Variants in ZNRF3 observed in about 807,000 individuals in gnomAD.
The protein encoded by ZNRF3 is E3 ubiquitin-protein ligase ZNRF3.
Under a neutral mutation model 72.5 loss-of-function variants are expected in ZNRF3, and 23 were observed. The observed-to-expected ratio is 0.32, with a 90% CI of 0.23 to 0.45. The LOEUF is 0.45. Ranked by LOEUF, ZNRF3 falls within the 20% of genes least tolerant of loss-of-function variation. The pLI, the probability that ZNRF3 is intolerant of heterozygous loss-of-function variation, is 1.00. For synonymous variants in ZNRF3, 610 were observed against 545.3 expected, an observed-to-expected ratio of 1.12 and a Z score of -1.65; for missense variants, 1,169 against 1,272.1, an observed-to-expected ratio of 0.92 and a Z score of 1.23.
Position 29,049,020 on chromosome 22 carries a change from GACAGGC to G in ZNRF3, c.1016-175_1016-170del, listed in dbSNP as rs1601712253. ...TACAGGAGATGGGCCATTTCACACA[GACAGGC>G]AGGTCAGCCTCTGCCGCTGCAGCTC... On this transcript the variant is annotated intron_variant, in intron 7 of 8. Coordinates refer to ENST00000544604, the MANE Select transcript of ZNRF3 (RefSeq NM_001206998.2). This position sits in a 1 kb window ranked among gnomAD's most constrained non-coding sequence, Gnocchi z 5.2. Among the ~76,000 whole-genome samples, 1 of 152,324 alleles carries G rather than the reference GACAGGC, an allele frequency of 6.6e-6. No homozygotes were observed. Among genetic ancestry groups the G allele is most frequent in the East Asian group, 1.9e-4 (1 of 5,176 alleles).
chr22:29,049,452 T>C lies in ZNRF3; in HGVS notation c.1271T>C (p.Leu424Pro). ...AYIRSYPPLH[L>P]DHSLAAHRCG... ...ATCCGCAGCTACCCACCCCTCCACCTGGACCACAGCCTGGCCGCTCACCGC... is the reference window on the plus strand; with the variant it reads ...ATCCGCAGCTACCCACCCCTCCACCCGGACCACAGCCTGGCCGCTCACCGC... Residue 424 changes from leucine (L) to proline (P), a missense_variant, in exon 8 of 9, where the codon CTG becomes CCG. Transcript: ENST00000544604. This position sits in a 1 kb window ranked among gnomAD's most constrained non-coding sequence, Gnocchi z 5.2. 1 of 1,602,434 alleles carries C rather than the reference T, an allele frequency of 6.2e-7. No homozygotes were observed. The highest frequency in any genetic ancestry group is 8.5e-7 in the Non-Finnish European group (1 of 1,177,548).
In ZNRF3 at chr22:28,884,002, C is replaced by T; in HGVS notation, c.236C>T (p.Thr79Ile). The change falls in exon 1 of 9, where the codon ACC becomes ATC. Residue 79 changes from threonine (T) to isoleucine (I), a missense_variant. Thr to Ile is a moderately conservative substitution (Grantham distance 89, BLOSUM62 -1). Around this residue, in one of 2 missense-constraint regions of ZNRF3, gnomAD observed 386 missense variants for 540.7 expected, o/e 0.71. Coordinates refer to ENST00000544604, the MANE Select transcript of ZNRF3 (RefSeq NM_001206998.2). ...AGCGGCGATTACACCACCTACACCACCGGCCTCACGGGCCGCTTCTCGCGG... is the reference window on the plus strand; with the variant it reads ...AGCGGCGATTACACCACCTACACCATCGGCCTCACGGGCCGCTTCTCGCGG... ...SPSGDYTTYTTGLTGRFSRAG... is the reference protein window; with the variant it reads ...SPSGDYTTYTIGLTGRFSRAG... The T allele has an allele frequency of 7.5e-7, 1 of 1,327,950 alleles. No individual in the cohort carries two copies. The highest frequency in any genetic ancestry group is 9.8e-7 in the Non-Finnish European group (1 of 1,022,428). 82.3% of individuals were successfully genotyped at this position (1,327,950 alleles called of 1,614,324 possible).
At chr22:28,949,220 C>T (rs986646129) in intron 1 of ZNRF3, among the ~76,000 whole-genome samples, 1 of 152,080 alleles carries the variant, frequency 6.6e-6, no homozygotes, top group Non-Finnish European at 1.5e-5. Flanking sequence ...TCAGGTGATC[C>T]ATCTGCCTCG....
intron 2 of ZNRF3, among the ~76,000 whole-genome samples, chr22:29,038,961 T>G (rs1451592465): frequency 6.6e-6 from 1 of 151,686 alleles, no homozygotes; most frequent in Non-Finnish European, 1.5e-5. Context: ...CATATATATA[T>G]ATATAGAGAG....
chr22:28,975,167 C>A (rs1353326696), intron 1 of ZNRF3, among the ~76,000 whole-genome samples: 2 of 152,008 alleles, frequency 1.3e-5, no homozygotes, highest in Non-Finnish European at 2.9e-5. Flanking sequence ...GCCTGTAATC[C>A]TAGCATTTTG....
At chr22:28,943,515 G>A (rs907986406) in intron 1 of ZNRF3, among the ~76,000 whole-genome samples, 3 of 152,186 alleles carry the variant, frequency 2.0e-5, no homozygotes, top group Non-Finnish European at 4.4e-5. Flanking sequence ...TGGAGAGGGT[G>A]CATGTGTGTT....
chr22:29,043,194 G>C lies in ZNRF3; in HGVS notation c.502-105G>C, dbSNP rs2037000273. On this transcript the variant is annotated intron_variant, in intron 3 of 8. Transcript: ENST00000544604. ...GGCTGTAATGTTGGAAGAGCTGGAGGATTCCAGACAGGTATTCAGTGTTCC... is the reference window on the plus strand; with the variant it reads ...GGCTGTAATGTTGGAAGAGCTGGAGCATTCCAGACAGGTATTCAGTGTTCC... 2.3e-6 allele frequency: 3 copies of C among 1,281,572 alleles called. No homozygotes were observed. The East Asian group carries it at 7.8e-5, about 33-fold the overall frequency. The allele number at this position is 1,281,572 out of a possible 1,614,324, so 79.4% of individuals were successfully genotyped here.
chr22:28,957,385 A>G (rs1462799461), intron 1 of ZNRF3, among the ~76,000 whole-genome samples: 1 of 152,212 alleles, frequency 6.6e-6, no homozygotes, highest in Middle Eastern at 3.2e-3. Context: ...AATTTACTGA[A>G]CGAGTTTCTA....
chr22:29,001,843 C>T (rs1013570402), intron 2 of ZNRF3, among the ~76,000 whole-genome samples: 1 of 152,094 alleles, frequency 6.6e-6, no homozygotes, highest in Non-Finnish European at 1.5e-5. Flanking sequence ...TGTGTCATAT[C>T]TAAGAAACCA....
intron 1 of ZNRF3, among the ~76,000 whole-genome samples, chr22:28,961,527 A>T (rs753603123): frequency 3.9e-5 from 6 of 152,228 alleles, no homozygotes; most frequent in Non-Finnish European, 8.8e-5. Flanking sequence ...ATGGGGCAGA[A>T]GATGGGCAGG....
chr22:28,903,049 G>T (rs1196329618), intron 1 of ZNRF3, among the ~76,000 whole-genome samples: 1 of 152,112 alleles, frequency 6.6e-6, no homozygotes, highest in Non-Finnish European at 1.5e-5. Flanking sequence ...TAGTGTGGGG[G>T]TCTGTGGGCT....
In ZNRF3 at chr22:29,057,030, T is replaced by C. The variant is rs1236478951; in HGVS notation, c.*3408T>C. On this transcript the variant is annotated 3_prime_UTR_variant, in exon 9 of 9. Coordinates refer to ENST00000544604, the MANE Select transcript of ZNRF3 (RefSeq NM_001206998.2). ...TTTATGTAAACTCTTTCTATTGTGT[T>C]GGTCTAACAAGGCACTATTTTAAAA... 1 of 152,242 alleles carries C rather than the reference T, an allele frequency of 6.6e-6. No individual in the cohort carries two copies. The highest frequency in any genetic ancestry group is 1.5e-5 in the Non-Finnish European group (1 of 68,042). 9.4% of individuals were successfully genotyped at this position (152,242 alleles called of 1,614,324 possible). A position where few individuals can be genotyped will look rare whatever the true frequency, so the allele number is the denominator to read the frequency against.
intron 2 of ZNRF3, among the ~76,000 whole-genome samples, chr22:29,020,249 CTTTTTTTTT>C (rs756716817): frequency 3.3e-5 from 3 of 91,768 alleles, no homozygotes; most frequent in Non-Finnish European, 6.0e-5. Flanking sequence ...CACAACCATC[CTTTTTTTTT>C]TTTTTTTTTT....
At chr22:28,952,803 G>A (rs1428283323) in intron 1 of ZNRF3, among the ~76,000 whole-genome samples, 2 of 152,152 alleles carry the variant, frequency 1.3e-5, no homozygotes, top group East Asian at 1.9e-4. Flanking sequence ...TAATGAGAAT[G>A]AGCTTTGGAA....
intron 4 of ZNRF3, among the ~76,000 whole-genome samples, chr22:29,043,758 G>A (rs2123882113): frequency 6.6e-6 from 1 of 152,242 alleles, no homozygotes; most frequent in East Asian, 1.9e-4. Context: ...AGGATTGAAG[G>A]GATGGGGCAT....
intron 2 of ZNRF3, among the ~76,000 whole-genome samples, chr22:29,014,351 T>TC (rs2036397196): frequency 6.6e-6 from 1 of 152,112 alleles, no homozygotes. Context: ...CCCCACTGGT[T>TC]CCCCCAGTGG....
intron 2 of ZNRF3, among the ~76,000 whole-genome samples, chr22:29,014,442 G>C (rs540182894): frequency 6.6e-6 from 1 of 152,272 alleles, no homozygotes; most frequent in South Asian, 2.1e-4. Flanking sequence ...CCTGAACCAA[G>C]AGCAGTTCAG....
chr22:28,951,560 T>C (rs2035161214), intron 1 of ZNRF3, among the ~76,000 whole-genome samples: 1 of 152,206 alleles, frequency 6.6e-6, no homozygotes, highest in Non-Finnish European at 1.5e-5. Flanking sequence ...CCTGTCGACA[T>C]CTTGATTTTG....
At chr22:28,885,345 A>T (rs888658966) in intron 1 of ZNRF3, among the ~76,000 whole-genome samples, 15 of 152,150 alleles carry the variant, frequency 9.9e-5, no homozygotes, top group Non-Finnish European at 2.1e-4. Context: ...CCGGGCTCTT[A>T]TCCCCATCCG....
Sources: allele counts gnomAD v4.1 joint callset (sites outside exome capture counted in the v4.1 genomes callset), GRCh38; gene constraint gnomAD v4.1.1; regional missense constraint gnomAD v4.1.1; non-coding constraint Gnocchi (gnomAD v3.1); transcripts MANE v1.5; gene names NCBI Gene and HGNC (gene_info 2026-07-23, HGNC 2026-07-21).